COL28A1: variants seen among roughly 807,000 people sequenced by gnomAD.
COL28A1 encodes the protein collagen type XXVIII alpha 1 chain, also known as collagen alpha-1(XXVIII) chain.
A neutral mutation model predicts 150.2 loss-of-function variants in COL28A1; 161 were observed. The ratio of observed to expected loss-of-function variants is 1.07; its 90% confidence interval spans 0.94 to 1.22. COL28A1 has a LOEUF of 1.22. Among genes scored for constraint, COL28A1 ranks in the 50% most tolerant of loss-of-function variants. COL28A1 has a pLI of 0.00. For synonymous variants in COL28A1, 552 were observed against 469.7 expected (o/e 1.18, Z -2.26); for missense variants, 1,617 against 1,388.3 (o/e 1.16, Z -2.62).
At chr7:7,378,797 C>A (rs1781708703) in intron 30 of COL28A1, among the ~76,000 whole-genome samples, 1 of 152,190 alleles carries the variant, frequency 6.6e-6, no homozygotes. Flanking sequence ...CCTCATGGAG[C>A]TGTCATGCAG....
intron 22 of COL28A1, among the ~76,000 whole-genome samples, chr7:7,437,061 G>A (rs564019047): frequency 1.9e-4 from 29 of 152,200 alleles, no homozygotes; most frequent in African/African-American, 6.7e-4. Context: ...CAACCAACCT[G>A]AGTGGATATC....
chr7:7,531,462 TG>T lies in COL28A1; in HGVS notation c.566del (p.Ala189AspfsTer5), dbSNP rs1782349054. ...TGGCTTCATTGACTACCGTAGAAAG[TG>T]CAATGGTGATAAATGATATTCCTGA... ...RISGISFITIALSTVVNEAKL... is the reference protein window; with the variant it reads ...RISGISFITIXLSTVVNEAKL... On this transcript the variant is annotated frameshift_variant, in exon 3 of 35. Transcript: ENST00000399429. LOFTEE classifies it high-confidence loss of function. 1 of 1,598,550 alleles carries T rather than the reference TG, an allele frequency of 6.3e-7. No individual in the cohort carries two copies. Among genetic ancestry groups the T allele is most frequent in the Non-Finnish European group, 8.6e-7 (1 of 1,165,906 alleles).
chr7:7,500,551 A>G (rs1297721276), intron 11 of COL28A1, among the ~76,000 whole-genome samples: 4 of 152,230 alleles, frequency 2.6e-5, no homozygotes, highest in African/African-American at 9.6e-5. Flanking sequence ...TGGAAGCTCA[A>G]AGGAGAGAAA....
In COL28A1 at chr7:7,358,571, G is replaced by T; in HGVS notation, c.*62C>A. The T allele has an allele frequency of 6.9e-7, 1 of 1,453,496 alleles. No homozygotes were observed. Among genetic ancestry groups the T allele is most frequent in the Non-Finnish European group, 9.6e-7 (1 of 1,044,408 alleles). The allele number at this position is 1,453,496 out of a possible 1,614,324, so 90.0% of individuals were successfully genotyped here. ...TCAAATATAGTGCTGTATTTGTATT[G>T]GGTGAATATGTGGAAATTAGGGAGT... On this transcript the variant is annotated 3_prime_UTR_variant, in exon 35 of 35. Transcript: ENST00000399429.
At chr7:7,454,388 G>A (rs1454081754) in intron 16 of COL28A1, among the ~76,000 whole-genome samples, 1 of 152,222 alleles carries the variant, frequency 6.6e-6, no homozygotes, top group Middle Eastern at 3.4e-3. Flanking sequence ...TATATCATTT[G>A]TCTTAAAAGG....
chr7:7,435,596 G>A (rs1474327361), intron 23 of COL28A1, among the ~76,000 whole-genome samples: 1 of 152,096 alleles, frequency 6.6e-6, no homozygotes, highest in Non-Finnish European at 1.5e-5. Flanking sequence ...CCTTTAAAAA[G>A]AACCACTCCA....
At chr7:7,458,013 T>C (rs1044239812) in intron 15 of COL28A1, among the ~76,000 whole-genome samples, 4 of 152,192 alleles carry the variant, frequency 2.6e-5, no homozygotes, top group Admixed American at 6.5e-5. Context: ...ATAGATAATA[T>C]ATAGTGAACA....
In COL28A1 at chr7:7,531,463, G is replaced by C. The variant is rs7804532; in HGVS notation, c.566C>G (p.Ala189Gly). ...GGCTTCATTGACTACCGTAGAAAGT[G>C]CAATGGTGATAAATGATATTCCTGA... ...RISGISFITIALSTVVNEAKL... is the reference protein window; with the variant it reads ...RISGISFITIGLSTVVNEAKL... Residue 189 changes from alanine (A) to glycine (G), a missense_variant, in exon 3 of 35, where the codon GCA (alanine) becomes GGA (glycine). Ala to Gly is a moderately conservative substitution (Grantham distance 60). Coordinates refer to ENST00000399429, the MANE Select transcript of COL28A1 (RefSeq NM_001037763.3). 0.95 allele frequency: 1,509,533 copies of C among 1,595,384 alleles called. 714,464 individuals are homozygous for C. The highest frequency in any genetic ancestry group is 1 in the East Asian group (44,770 of 44,796).
chr7:7,417,546 GGGGA>G (rs1784166277), intron 27 of COL28A1: 67 of 85,504 alleles, frequency 7.8e-4, no homozygotes, highest in South Asian at 1.6e-3. Context: ...GGGAGGGGGG[GGGGA>G]GAGAGAGAGA....
At chr7:7,371,023 A>G (rs1781198720) in intron 32 of COL28A1, 141 bp from the exon 33 acceptor site, 1 of 622,142 alleles carries the variant, frequency 1.6e-6, no homozygotes, top group Non-Finnish European at 2.7e-6. Flanking sequence ...GAACTTATAA[A>G]AGCATTTTTA....
intron 25 of COL28A1, among the ~76,000 whole-genome samples, chr7:7,425,395 A>G (rs1021567925): frequency 6.6e-6 from 1 of 152,184 alleles, no homozygotes; most frequent in African/African-American, 2.4e-5. Context: ...TCCTTTCCCT[A>G]CATCGCCAGT....
rs374525186 is a variant in COL28A1, at chr7:7,523,390, C to T, written c.702+839G>A. ...GGCCAGGATGGTCTCGATCTCCTGA[C>T]CTCATGATCCACCTGCCTCGGCCTC... On this transcript the variant is annotated intron_variant, in intron 4 of 34. Coordinates refer to ENST00000399429, the MANE Select transcript of COL28A1 (RefSeq NM_001037763.3). Among the ~76,000 whole-genome samples, 35 of 151,972 alleles carry T rather than the reference C, an allele frequency of 2.3e-4. 1 individual carries two copies. Among genetic ancestry groups the T allele is most frequent in the African/African-American group, 7.2e-4 (30 of 41,484 alleles).
intron 4 of COL28A1, among the ~76,000 whole-genome samples, chr7:7,523,165 C>CT (rs1394272260): frequency 0.017 from 1,308 of 78,856 alleles, 13 homozygotes; most frequent in Middle Eastern, 0.079. Flanking sequence ...TCTTTCTTTT[C>CT]TTTTTTTTTT....
At chr7:7,424,730 T>C (rs1371043494) in intron 25 of COL28A1, among the ~76,000 whole-genome samples, 1 of 152,082 alleles carries the variant, frequency 6.6e-6, no homozygotes, top group African/African-American at 2.4e-5. Context: ...AAAAGAAGAA[T>C]AACGGACTGT....
intron 27 of COL28A1, among the ~76,000 whole-genome samples, chr7:7,398,918 C>G (rs1018990467): frequency 1.8e-4 from 27 of 152,118 alleles, no homozygotes; most frequent in African/African-American, 6.0e-4. Context: ...GTTGGTGCTC[C>G]CTGTATCCTC....
chr7:7,382,983 T>C (rs933387638), intron 27 of COL28A1, among the ~76,000 whole-genome samples: 2 of 152,208 alleles, frequency 1.3e-5, no homozygotes, highest in Non-Finnish European at 2.9e-5. Context: ...ACCTTGTTCA[T>C]TGGCTGTCAA....
chr7:7,379,624 G>T (rs573182620), intron 30 of COL28A1, among the ~76,000 whole-genome samples: 2 of 152,242 alleles, frequency 1.3e-5, no homozygotes, highest in Non-Finnish European at 2.9e-5. Flanking sequence ...CCAGAGTAAG[G>T]TTTACTGGAT....
chr7:7,451,353 G>A (rs2128328914), intron 18 of COL28A1, among the ~76,000 whole-genome samples: 1 of 152,034 alleles, frequency 6.6e-6, no homozygotes, highest in South Asian at 2.1e-4. Context: ...AGCCACCCTA[G>A]TAGCTGGGAC....
intron 16 of COL28A1, among the ~76,000 whole-genome samples, chr7:7,454,651 G>C (rs1258760457): frequency 1.3e-5 from 2 of 152,118 alleles, no homozygotes; most frequent in Admixed American, 1.3e-4. Context: ...GAATTCACAG[G>C]CCATCTGAAC....
Sources: allele counts gnomAD v4.1 joint callset (sites outside exome capture counted in the v4.1 genomes callset), GRCh38; gene constraint gnomAD v4.1.1; transcripts MANE v1.5; gene names NCBI Gene and HGNC (gene_info 2026-07-23, HGNC 2026-07-21).